PRDM16: variants seen among roughly 807,000 people sequenced by gnomAD.
The protein encoded by PRDM16 is histone-lysine N-methyltransferase PRDM16.
PRDM16 carries 23 observed loss-of-function variants against 110.6 expected under a neutral mutation model. That is an observed-to-expected ratio of 0.21 (90% CI 0.15 to 0.29). The LOEUF (loss-of-function observed/expected upper bound fraction) is 0.29, where lower values mean the gene tolerates loss of function less well. PRDM16 is among the 10% of genes least tolerant of loss of function. PRDM16 has a pLI of 1.00. For synonymous variants in PRDM16, 799 were observed against 781.8 expected (o/e 1.02, Z -0.37); for missense variants, 1,615 against 1,794.3 (o/e 0.90, Z 1.81).
chr1:3,430,772 G>A, intron 14 of PRDM16, 100 bp from the exon 15 acceptor site: 1 of 1,388,570 alleles, frequency 7.2e-7, no homozygotes, highest in East Asian at 2.3e-5. Context: ...AGTGTTGTCG[G>A]GGGAGGCAGT....
In PRDM16 at chr1:3,425,761, C is replaced by A; in HGVS notation, c.3109+11C>A. 1 of 1,612,844 alleles carries A rather than the reference C, an allele frequency of 6.2e-7. No individual in the cohort carries two copies. The highest frequency in any genetic ancestry group is 1.1e-5 in the South Asian group (1 of 91,020). Reference sequence around the variant, plus strand: ...ACGAGAACGCACCAGGTGGGCCACGCGGGGTGGGGCAGCCCCCAGAGCACC... The same window carrying A: ...ACGAGAACGCACCAGGTGGGCCACGAGGGGTGGGGCAGCCCCCAGAGCACC... On this transcript the variant is annotated intron_variant, in intron 13 of 16. Coordinates refer to ENST00000270722, the MANE Select transcript of PRDM16 (RefSeq NM_022114.4). The surrounding 1 kb of genome is among the most constrained non-coding windows in gnomAD (Gnocchi z 6.9).
At chr1:3,297,749 A>G (rs567410224) in intron 3 of PRDM16, among the ~76,000 whole-genome samples, 3 of 152,216 alleles carry the variant, frequency 2.0e-5, no homozygotes, top group Non-Finnish European at 2.9e-5. Context: ...GGCAGGAAAC[A>G]GGGGACAGGG....
In PRDM16 at chr1:3,190,740, C is replaced by G. The variant is rs966493271; in HGVS notation, c.387+4266C>G. On this transcript the variant is annotated intron_variant, in intron 2 of 16. Coordinates refer to ENST00000270722, the MANE Select transcript of PRDM16 (RefSeq NM_022114.4). The surrounding 1 kb of genome is among the most constrained non-coding windows in gnomAD (Gnocchi z 5.0). ...CCGGTCGCCGCCGAAGCCCACCTGC[C>G]TGGAGGAAATCACCCGTGAGCGCAT... Among the ~76,000 whole-genome samples, 1 of 152,252 alleles carries G rather than the reference C, an allele frequency of 6.6e-6. No homozygotes were observed. The highest frequency in any genetic ancestry group is 1.5e-5 in the Non-Finnish European group (1 of 68,042).
intron 2 of PRDM16, among the ~76,000 whole-genome samples, chr1:3,240,079 AGG>A (rs1212571845): frequency 1.9e-4 from 26 of 133,944 alleles, no homozygotes; most frequent in Admixed American, 1.5e-3. Context: ...AGGAGAGGAG[AGG>A]AGAGGAGAGG....
intron 1 of PRDM16, among the ~76,000 whole-genome samples, chr1:3,114,743 G>C (rs554309935): frequency 6.6e-6 from 1 of 152,394 alleles, no homozygotes; most frequent in East Asian, 1.9e-4. Flanking sequence ...AGATGGTGGG[G>C]TGCAGGCCCC....
At chr1:3,084,341 A>G (rs535172480) in intron 1 of PRDM16, among the ~76,000 whole-genome samples, 12 of 152,142 alleles carry the variant, frequency 7.9e-5, no homozygotes, top group Admixed American at 6.5e-5. Flanking sequence ...GATCTGAAGC[A>G]TGGGGCCCAG....
At chr1:3,364,214 G>A (rs1454950199) in intron 3 of PRDM16, among the ~76,000 whole-genome samples, 1 of 152,222 alleles carries the variant, frequency 6.6e-6, no homozygotes. Context: ...CGACGTGGCA[G>A]TGAATGTGCT....
intron 15 of PRDM16, 138 bp downstream of exon 15, chr1:3,431,246 C>A (rs1638759871): frequency 1.4e-6 from 2 of 1,379,854 alleles, no homozygotes; most frequent in South Asian, 2.9e-5. Flanking sequence ...TCAGGGCCTC[C>A]ACACACAGGC....
chr1:3,247,846 C>T (rs1639825433), intron 3 of PRDM16, among the ~76,000 whole-genome samples: 1 of 152,244 alleles, frequency 6.6e-6, no homozygotes, highest in African/African-American at 2.4e-5. Flanking sequence ...TTCCTGGCCG[C>T]GGTGCGGGGA....
In PRDM16 at chr1:3,289,066, AGAG is replaced by A. The variant is rs566245329; in HGVS notation, c.438+44937_438+44939del. On this transcript the variant is annotated intron_variant, in intron 3 of 16. Transcript: ENST00000270722. ...CCTGGCCGAAGACCCCAAGCCCTGC[AGAG>A]GAGGAGGCTGATGCTGCATCTGGGG... Among the ~76,000 whole-genome samples the A allele has an allele frequency of 1.6e-3, 245 of 152,348 alleles. 1 individual carries two copies. The highest frequency in any genetic ancestry group is 5.6e-3 in the African/African-American group (233 of 41,594).
intron 7 of PRDM16, 151 bp downstream of exon 7, chr1:3,405,037 G>A (rs141488377): frequency 1.3e-5 from 10 of 777,116 alleles, no homozygotes; most frequent in South Asian, 3.7e-5. Context: ...GGGCCCTTCC[G>A]TGTGACTAGG....
chr1:3,384,253 T>A (rs1643157759), intron 3 of PRDM16, among the ~76,000 whole-genome samples: 2 of 151,964 alleles, frequency 1.3e-5, no homozygotes, highest in Admixed American at 1.3e-4. Flanking sequence ...CGTGGCCCCA[T>A]CCCCTGCCCC....
chr1:3,204,136 C>T (rs192304957), intron 2 of PRDM16, among the ~76,000 whole-genome samples: 14 of 152,292 alleles, frequency 9.2e-5, no homozygotes, highest in African/African-American at 2.4e-4. Flanking sequence ...TTTTTAAGGC[C>T]GGCGTTTTTA....
Position 3,190,889 on chromosome 1 carries a change from GGAGGCCATGGGT to G in PRDM16, c.387+4421_387+4432del, listed in dbSNP as rs1638294079. On this transcript the variant is annotated intron_variant, in intron 2 of 16. Coordinates refer to ENST00000270722, the MANE Select transcript of PRDM16 (RefSeq NM_022114.4). This position sits in a 1 kb window ranked among gnomAD's most constrained non-coding sequence, Gnocchi z 5.0. Reference sequence around the variant, plus strand: ...GCTGCCCGGTGACAGCCCAGAGGGAGGAGGCCATGGGTGAGGCACTGGGGAGGCCACCTGCCC... The same window carrying G: ...GCTGCCCGGTGACAGCCCAGAGGGAGGAGGCACTGGGGAGGCCACCTGCCC... 1.3e-5 allele frequency among the ~76,000 whole-genome samples: 2 copies of G among 152,180 alleles called. No homozygotes were observed. Among genetic ancestry groups the G allele is most frequent in the Admixed American group, 6.5e-5 (1 of 15,286 alleles).
chr1:3,181,769 GTCTTACACATGCA>G (rs1557510415), intron 1 of PRDM16, among the ~76,000 whole-genome samples: 3 of 124,776 alleles, frequency 2.4e-5, no homozygotes, highest in African/African-American at 1.1e-4. Context: ...CTTACACACA[GTCTTACACATGCA>G]GTCTTACACA....
chr1:3,299,210 GC>G (rs1641156196), intron 3 of PRDM16, among the ~76,000 whole-genome samples: 1 of 151,454 alleles, frequency 6.6e-6, no homozygotes, highest in South Asian at 2.1e-4. Flanking sequence ...TGGTGGCTCT[GC>G]CCTGGTTGAA....
intron 1 of PRDM16, among the ~76,000 whole-genome samples, chr1:3,181,237 TACACACAGTCTTAC>T (rs1477063236): frequency 1.3e-3 from 94 of 69,662 alleles, no homozygotes; most frequent in South Asian, 2.8e-3. Context: ...CACACGGTCT[TACACACAGTCTTAC>T]ACACGCAGTC....
At chr1:3,302,866 C>T (rs992995242) in intron 3 of PRDM16, among the ~76,000 whole-genome samples, 2 of 152,156 alleles carry the variant, frequency 1.3e-5, no homozygotes, top group Non-Finnish European at 1.5e-5. Flanking sequence ...GGGTCCTTCA[C>T]CCCTCGGTGC....
Position 3,405,492 on chromosome 1 carries a change from C to T in PRDM16, c.1033-3C>T. 6.3e-7 allele frequency: 1 copy of T among 1,577,472 alleles called. No homozygotes were observed. Among genetic ancestry groups the T allele is most frequent in the Non-Finnish European group, 8.6e-7 (1 of 1,159,628 alleles). ...CACGCGCCAACGGCATCCGTCTCCCCAGGTGTTCACGGACCCCAGCAACCT... is the reference window on the plus strand; with the variant it reads ...CACGCGCCAACGGCATCCGTCTCCCTAGGTGTTCACGGACCCCAGCAACCT... On this transcript the variant is annotated splice_region_variant and splice_polypyrimidine_tract_variant and intron_variant, in intron 7 of 16. Coordinates refer to ENST00000270722, the MANE Select transcript of PRDM16 (RefSeq NM_022114.4).
Sources: allele counts gnomAD v4.1 joint callset (sites outside exome capture counted in the v4.1 genomes callset), GRCh38; gene constraint gnomAD v4.1.1; non-coding constraint Gnocchi (gnomAD v3.1); transcripts MANE v1.5; gene names NCBI Gene and HGNC (gene_info 2026-07-23, HGNC 2026-07-21).